Variants in BMPER observed in about 807,000 individuals in gnomAD.
The protein encoded by BMPER is BMP-binding endothelial regulator protein.
A neutral mutation model predicts 87.3 loss-of-function variants in BMPER; 45 were observed. That is an observed-to-expected ratio of 0.52 (90% CI 0.41 to 0.66). BMPER has a LOEUF of 0.66. Among genes scored for constraint, BMPER ranks in the 30% least tolerant of loss-of-function variants. The pLI is 0.00. For missense variants in BMPER, 784 were observed against 867.5 expected (o/e 0.90, Z 1.21); for synonymous variants, 326 against 316.2 (o/e 1.03, Z -0.33).
At chr7:34,076,944 T>G (rs1788880476) in intron 11 of BMPER, among the ~76,000 whole-genome samples, 1 of 152,110 alleles carries the variant, frequency 6.6e-6, no homozygotes, top group South Asian at 2.1e-4. Flanking sequence ...CGTTGGTTGG[T>G]CTGGGAAGTC....
At chr7:34,060,753 C>T (rs1788415025) in intron 10 of BMPER, among the ~76,000 whole-genome samples, 2 of 152,202 alleles carry the variant, frequency 1.3e-5, no homozygotes, top group African/African-American at 4.8e-5. Context: ...TTGGCAACCT[C>T]TCCATGGTCT....
chr7:34,031,988 A>AAT (rs4000115), intron 6 of BMPER, among the ~76,000 whole-genome samples: 46,964 of 131,310 alleles, frequency 0.36, 9,071 homozygotes, highest in African/African-American at 0.51. Flanking sequence ...CTTATATATA[A>AAT]ATATATATGT....
intron 13 of BMPER, among the ~76,000 whole-genome samples, chr7:34,106,403 G>C (rs1414894054): frequency 6.6e-6 from 1 of 152,196 alleles, no homozygotes; most frequent in Non-Finnish European, 1.5e-5. Context: ...ATGAATAAGA[G>C]CTACACTCTG....
intron 6 of BMPER, among the ~76,000 whole-genome samples, chr7:34,045,601 A>C (rs1787941305): frequency 6.6e-6 from 1 of 152,242 alleles, no homozygotes; most frequent in Non-Finnish European, 1.5e-5. Context: ...AGTTCGTCTC[A>C]TATCAATCTT....
chr7:33,915,003 A>C (rs1022255719), intron 2 of BMPER, among the ~76,000 whole-genome samples: 23 of 152,190 alleles, frequency 1.5e-4, no homozygotes, highest in Admixed American at 3.3e-4. Flanking sequence ...CATGGGATTG[A>C]ATTGATCATA....
At chr7:34,118,133 C>T (rs1379080484) in intron 13 of BMPER, among the ~76,000 whole-genome samples, 1 of 151,924 alleles carries the variant, frequency 6.6e-6, no homozygotes, top group Non-Finnish European at 1.5e-5. Flanking sequence ...GGTGAAACCC[C>T]GTCTCTACTA....
chr7:34,118,138 C>G (rs2127988298), intron 13 of BMPER, among the ~76,000 whole-genome samples: 1 of 152,118 alleles, frequency 6.6e-6, no homozygotes, highest in Admixed American at 6.5e-5. Flanking sequence ...AACCCCGTCT[C>G]TACTAAAAAT....
intron 12 of BMPER, among the ~76,000 whole-genome samples, chr7:34,080,862 T>G (rs1788994507): frequency 6.6e-6 from 1 of 152,094 alleles, no homozygotes; most frequent in Non-Finnish European, 1.5e-5. Flanking sequence ...ATGGAATAAA[T>G]GTACTCTTTA....
chr7:34,077,666 A>C (rs139297543), intron 11 of BMPER, among the ~76,000 whole-genome samples: 3 of 152,348 alleles, frequency 2.0e-5, no homozygotes, highest in Non-Finnish European at 4.4e-5. Context: ...AAATGACATA[A>C]TATATCATAA....
At chr7:33,997,510 C>T (rs1029898203) in intron 6 of BMPER, among the ~76,000 whole-genome samples, 5 of 152,120 alleles carry the variant, frequency 3.3e-5, no homozygotes, top group Non-Finnish European at 7.4e-5. Flanking sequence ...TCTCCTGCTG[C>T]CTTGTGAAGA....
intron 4 of BMPER, 54 bp downstream of exon 4, chr7:33,966,615 T>C: frequency 1.3e-6 from 2 of 1,531,950 alleles, no homozygotes; most frequent in Non-Finnish European, 1.8e-6. Context: ...GAGTCCTCTT[T>C]AGTCACCCCT....
At chr7:34,121,634 G>A (rs1183890165) in intron 13 of BMPER, among the ~76,000 whole-genome samples, 1 of 152,158 alleles carries the variant, frequency 6.6e-6, no homozygotes, top group Non-Finnish European at 1.5e-5. Flanking sequence ...GTATGAGGAT[G>A]AAATATAAAT....
rs891292348 is a variant in BMPER at position 34,085,902 on chromosome 7, G to A, written c.1555G>A (p.Val519Met). The stretch of plus-strand genomic sequence containing the variant: ...TGGAGATGGAAACTTCAAGTTTGAT[G>A]TGGATGACTTTGCTGAATCTTGGAG... ...IGGDGNFKFD[V>M]DDFAESWRVE... Residue 519 changes from valine (V) to methionine (M), a missense_variant, in exon 13 of 15, where the codon GTG (valine) becomes ATG (methionine). Val to Met is a conservative substitution (Grantham distance 21, BLOSUM62 1). Transcript: ENST00000649409. 1.9e-6 allele frequency: 3 copies of A among 1,614,048 alleles called. No individual in the cohort carries two copies. The highest frequency in any genetic ancestry group is 1.3e-5 in the African/African-American group (1 of 74,908).
chr7:33,916,159 A>G lies in BMPER; in HGVS notation c.219+9256A>G, dbSNP rs528650406. The stretch of plus-strand genomic sequence containing the variant: ...TTCTGAATTTTTCTCAGGGTAGACA[A>G]TGGAAGGTCAGAAGAGGCGACTGCT... On this transcript the variant is annotated intron_variant, in intron 2 of 14. Coordinates refer to ENST00000649409, the MANE Select transcript of BMPER (RefSeq NM_001365308.1). Among the ~76,000 whole-genome samples the G allele has an allele frequency of 4.3e-4, 66 of 152,336 alleles. 1 individual carries two copies. In the South Asian group the frequency reaches 0.013, roughly 30 times the overall value.
intron 6 of BMPER, among the ~76,000 whole-genome samples, chr7:34,006,548 T>A (rs1786738560): frequency 6.6e-6 from 1 of 152,198 alleles, no homozygotes; most frequent in Non-Finnish European, 1.5e-5. Context: ...AAATTGCTAA[T>A]TTTTTATATT....
chr7:34,011,589 AAAAAAAAAAAAAAAAG>A (rs1786879329), intron 6 of BMPER, among the ~76,000 whole-genome samples: 1 of 145,326 alleles, frequency 6.9e-6, no homozygotes. Flanking sequence ...AGGGCAAAAA[AAAAAAAAAAAAAAAAG>A]AAAAAAAAAG....
Position 33,941,574 on chromosome 7 carries a change from A to G in BMPER, c.319+4186A>G, listed in dbSNP as rs192900797. On this transcript the variant is annotated intron_variant, in intron 3 of 14. Transcript: ENST00000649409. ...CATCTAGGGTTGATGGGAGACAGTG[A>G]CAGATCTTCACACATTAGATTCTCA... is the stretch of plus-strand genomic sequence containing the variant. 3.2e-3 allele frequency among the ~76,000 whole-genome samples: 481 copies of G among 152,230 alleles called. 1 individual carries two copies. Among genetic ancestry groups the G allele is most frequent in the African/African-American group, 0.011 (465 of 41,528 alleles).
intron 6 of BMPER, among the ~76,000 whole-genome samples, chr7:34,004,626 C>T (rs1269258422): frequency 6.6e-6 from 1 of 152,146 alleles, no homozygotes; most frequent in Non-Finnish European, 1.5e-5. Flanking sequence ...TAAACTTATT[C>T]TGCAAAGTCT....
intron 11 of BMPER, among the ~76,000 whole-genome samples, chr7:34,065,414 T>A (rs771117386): frequency 6.6e-6 from 1 of 152,150 alleles, no homozygotes; most frequent in Non-Finnish European, 1.5e-5. Flanking sequence ...CCTGCAAGGT[T>A]GTGACAATCA....
Sources: allele counts gnomAD v4.1 joint callset (sites outside exome capture counted in the v4.1 genomes callset), GRCh38; gene constraint gnomAD v4.1.1; transcripts MANE v1.5; gene names NCBI Gene and HGNC (gene_info 2026-07-23, HGNC 2026-07-21).